NFIX: variants seen among roughly 807,000 people sequenced by gnomAD.
The protein encoded by NFIX is nuclear factor 1 X-type.
In NFIX, 2 loss-of-function variants were observed where a neutral mutation model predicts 53.3. The observed-to-expected ratio is 0.04, with a 90% CI of 0.02 to 0.12. The LOEUF (loss-of-function observed/expected upper bound fraction) is 0.12, where lower values mean the gene tolerates loss of function less well. Ranked by LOEUF, NFIX falls within the 10% of genes least tolerant of loss-of-function variation. NFIX has a pLI of 1.00. For synonymous variants in NFIX, 244 were observed against 289.0 expected (o/e 0.84, Z 1.58); for missense variants, 310 against 674.5 (o/e 0.46, Z 5.99).
intron 8 of NFIX, among the ~76,000 whole-genome samples, chr19:13,085,537 C>T (rs564011982): frequency 4.6e-5 from 7 of 152,342 alleles, no homozygotes; most frequent in African/African-American, 1.7e-4. Context: ...TTCTCTGCAG[C>T]GCTGCAAACC....
rs766317671 is a variant in NFIX at position 13,002,433 on chromosome 19, C to T, written c.27+6569C>T. On this transcript the variant is annotated intron_variant, in intron 1 of 10. Coordinates refer to ENST00000592199, the MANE Select transcript of NFIX (RefSeq NM_001365902.3). This position sits in a 1 kb window ranked among gnomAD's most constrained non-coding sequence, Gnocchi z 6.1. ...GCCCCTCTGAGGGCGGGAGTGGCCT[C>T]GTGCAGGGGCCTGGGCCCCCTGAGT... is the stretch of plus-strand genomic sequence containing the variant. Among the ~76,000 whole-genome samples the T allele has an allele frequency of 2.0e-5, 3 of 152,162 alleles. No individual in the cohort carries two copies. The highest frequency in any genetic ancestry group is 1.9e-4 in the East Asian group (1 of 5,168).
Position 13,089,040 on chromosome 19 carries a change from G to A in NFIX, c.1402+904G>A, listed in dbSNP as rs1228302929. Among the ~76,000 whole-genome samples, 1 of 152,046 alleles carries A rather than the reference G, an allele frequency of 6.6e-6. No individual in the cohort carries two copies. The highest frequency in any genetic ancestry group is 1.5e-5 in the Non-Finnish European group (1 of 67,994). On this transcript the variant is annotated intron_variant, in intron 9 of 10. Coordinates refer to ENST00000592199, the MANE Select transcript of NFIX (RefSeq NM_001365902.3). The surrounding 1 kb of genome is among the most constrained non-coding windows in gnomAD (Gnocchi z 4.8). ...CAGGGCAGTTCGGTGGCGGTGGGAG[G>A]GGTGGCCCATCTCACACTGCTCTCC...
intron 8 of NFIX, among the ~76,000 whole-genome samples, chr19:13,086,205 T>A (rs1179009777): frequency 1.3e-5 from 2 of 152,324 alleles, no homozygotes; most frequent in East Asian, 3.9e-4. Flanking sequence ...GCTGGACCAG[T>A]AGAGGCATCC....
At position 13,094,428 on chromosome 19, in the gene NFIX, C is replaced by T. The variant is rs1345134626; in HGVS notation, c.1495-207C>T. On this transcript the variant is annotated intron_variant, in intron 10 of 10. Transcript: ENST00000592199. This position sits in a 1 kb window ranked among gnomAD's most constrained non-coding sequence, Gnocchi z 4.3. ...TGGACTCTAGCACTAGGGGCAGAGT[C>T]TCTGAGGGGGCGGGGTTCTCGCAGG... 6.6e-6 allele frequency among the ~76,000 whole-genome samples: 1 copy of T among 152,210 alleles called. No individual in the cohort carries two copies. The highest frequency in any genetic ancestry group is 1.5e-5 in the Non-Finnish European group (1 of 68,030).
At position 13,081,589 on chromosome 19, in the gene NFIX, C is replaced by T. The variant is rs927340842; in HGVS notation, c.1079-91C>T. 5.0e-6 allele frequency: 7 copies of T among 1,386,582 alleles called. No homozygotes were observed. In the Admixed American group the frequency reaches 1.0e-4, roughly 20 times the overall value. The allele number at this position is 1,386,582 out of a possible 1,614,324, so 85.9% of individuals were successfully genotyped here. A position where few individuals can be genotyped will look rare whatever the true frequency, so the allele number is the denominator to read the frequency against. Reference sequence around the variant, plus strand: ...TTACCTGCTCAGGATCCTCAGGACCCTCTGACCGGCAGCTCCCCTCCTCTC... The same window carrying T: ...TTACCTGCTCAGGATCCTCAGGACCTTCTGACCGGCAGCTCCCCTCCTCTC... On this transcript the variant is annotated intron_variant, in intron 7 of 10. Coordinates refer to ENST00000592199, the MANE Select transcript of NFIX (RefSeq NM_001365902.3). The surrounding 1 kb of genome is among the most constrained non-coding windows in gnomAD (Gnocchi z 4.7).
chr19:13,024,857 A>C (rs2013192762), intron 1 of NFIX, 164 bp from the exon 2 acceptor site: 1 of 1,310,850 alleles, frequency 7.6e-7, no homozygotes, highest in Admixed American at 2.0e-5. Flanking sequence ...TCGTAGAACA[A>C]TCGCAAGAGA....
chr19:12,997,210 G>A (rs1015666223), intron 1 of NFIX, among the ~76,000 whole-genome samples: 1 of 152,236 alleles, frequency 6.6e-6, no homozygotes, highest in African/African-American at 2.4e-5. Context: ...GTCAAGGGGC[G>A]AGGGGTTTGT....
intron 1 of NFIX, among the ~76,000 whole-genome samples, chr19:13,004,941 C>T (rs1254909249): frequency 1.3e-5 from 2 of 152,094 alleles, no homozygotes; most frequent in East Asian, 3.9e-4. Flanking sequence ...CTCAGCCTCC[C>T]GAGTAGCTGG....
chr19:13,024,054 C>T, intron 1 of NFIX: 1 of 1,362,486 alleles, frequency 7.3e-7, no homozygotes, highest in Non-Finnish European at 9.8e-7. Context: ...TAATTTTTTC[C>T]AGTTTTATTT....
chr19:13,094,749 C>G lies in NFIX; in HGVS notation c.*100C>G. 1 of 1,349,502 alleles carries G rather than the reference C, an allele frequency of 7.4e-7. No homozygotes were observed. The highest frequency in any genetic ancestry group is 1.0e-6 in the Non-Finnish European group (1 of 983,814). The allele number at this position is 1,349,502 out of a possible 1,614,324, so 83.6% of individuals were successfully genotyped here. Reference sequence around the variant, plus strand: ...GAAAAATCCCCCAGCCCAGCCCAGCCCCACCGAAAAGCAAAAATTACACGT... The same window carrying G: ...GAAAAATCCCCCAGCCCAGCCCAGCGCCACCGAAAAGCAAAAATTACACGT... On this transcript the variant is annotated 3_prime_UTR_variant, in exon 11 of 11. Transcript: ENST00000592199. This position sits in a 1 kb window ranked among gnomAD's most constrained non-coding sequence, Gnocchi z 4.3.
intron 1 of NFIX, 104 bp from the exon 2 acceptor site, chr19:13,024,917 C>G: frequency 6.9e-7 from 1 of 1,452,100 alleles, no homozygotes; most frequent in Non-Finnish European, 9.3e-7. Flanking sequence ...TCCTTGTGCC[C>G]CCCCTTCTAA....
chr19:13,024,573 G>A, intron 1 of NFIX: 1 of 1,535,580 alleles, frequency 6.5e-7, no homozygotes, highest in Non-Finnish European at 8.7e-7. Flanking sequence ...GTCCACGGGC[G>A]TCTGTGCAGA....
At position 13,078,081 on chromosome 19, in the gene NFIX, G is replaced by T. The variant is rs1756755805; in HGVS notation, c.956-532G>T. On this transcript the variant is annotated intron_variant, in intron 6 of 10. Transcript: ENST00000592199. This position sits in a 1 kb window ranked among gnomAD's most constrained non-coding sequence, Gnocchi z 4.7. ...GCCTCTGTCCCTGCTCTCTCGCTGG[G>T]CATTGTGTCCCTCCTGAGGGCTCAT... 6.6e-6 allele frequency among the ~76,000 whole-genome samples: 1 copy of T among 152,160 alleles called. No homozygotes were observed. Among genetic ancestry groups the T allele is most frequent in the Admixed American group, 6.5e-5 (1 of 15,286 alleles).
In NFIX at chr19:13,096,385, GGGA is replaced by G. The variant is rs1175646080; in HGVS notation, c.*1742_*1744del. 8.5e-5 allele frequency: 13 copies of G among 152,536 alleles called. No homozygotes were observed. The East Asian group carries it at 2.3e-3, about 27-fold the overall frequency. The allele number at this position is 152,536 out of a possible 1,614,324, so 9.4% of individuals were successfully genotyped here. On this transcript the variant is annotated 3_prime_UTR_variant, in exon 11 of 11. Transcript: ENST00000592199. ...AGGGAAGAGGAGGGAGTGACGGGAG[GGGA>G]GGAGGTCAGCGACCTGGGGCCGTAG... is the stretch of plus-strand genomic sequence containing the variant.
At chr19:13,064,659 C>T (rs932240620) in intron 2 of NFIX, among the ~76,000 whole-genome samples, 3 of 152,206 alleles carry the variant, frequency 2.0e-5, no homozygotes, top group African/African-American at 7.2e-5. Context: ...GCAGTGGTCC[C>T]TGGGTCAAGA....
chr19:13,015,427 C>G (rs546857173), intron 1 of NFIX, among the ~76,000 whole-genome samples: 1 of 152,254 alleles, frequency 6.6e-6, no homozygotes, highest in Non-Finnish European at 1.5e-5. Flanking sequence ...AGCCTGGTGT[C>G]GCTTGCTCAC....
chr19:13,021,725 A>G lies in NFIX; in HGVS notation c.28-3296A>G, dbSNP rs1016055716. On this transcript the variant is annotated intron_variant, in intron 1 of 10. Coordinates refer to ENST00000592199, the MANE Select transcript of NFIX (RefSeq NM_001365902.3). This position sits in a 1 kb window ranked among gnomAD's most constrained non-coding sequence, Gnocchi z 4.2. ...CGAAGGCCTCAAGCATGGCTGCTCCATAGCTCTAACTGGAGAGACCCCCTC... is the reference window on the plus strand; with the variant it reads ...CGAAGGCCTCAAGCATGGCTGCTCCGTAGCTCTAACTGGAGAGACCCCCTC... Among the ~76,000 whole-genome samples, 4 of 151,990 alleles carry G rather than the reference A, an allele frequency of 2.6e-5. No homozygotes were observed. Among genetic ancestry groups the G allele is most frequent in the Non-Finnish European group, 4.4e-5 (3 of 67,996 alleles).
chr19:13,053,984 C>G (rs1385302161), intron 2 of NFIX, among the ~76,000 whole-genome samples: 2 of 152,208 alleles, frequency 1.3e-5, no homozygotes, highest in East Asian at 1.9e-4. Flanking sequence ...TCCTGGCCTA[C>G]TGGCCTGCGG....
chr19:12,999,495 C>G (rs2011597289), intron 1 of NFIX, among the ~76,000 whole-genome samples: 1 of 146,444 alleles, frequency 6.8e-6, no homozygotes, highest in Admixed American at 6.7e-5. Flanking sequence ...CAAACACACA[C>G]ACACACACAC....
Sources: gnomAD v4.1 joint callset for allele counts (sites outside exome capture counted in the v4.1 genomes callset) on GRCh38, gnomAD v4.1.1 for gene constraint, Gnocchi (gnomAD v3.1) non-coding constraint, MANE v1.5 for transcripts, NCBI Gene and HGNC (gene_info 2026-07-23, HGNC 2026-07-21) for gene names.